Variants in RSPH9 observed in about 807,000 individuals in gnomAD.
RSPH9 encodes the protein radial spoke head component 9.
In RSPH9, 27 loss-of-function variants were observed where a neutral mutation model predicts 27.0. The observed-to-expected ratio is 1.00, with a 90% CI of 0.74 to 1.38. The LOEUF (loss-of-function observed/expected upper bound fraction) is 1.38. Among genes scored for constraint, RSPH9 ranks in the 40% most tolerant of loss-of-function variants. RSPH9 has a pLI of 0.00. For synonymous variants in RSPH9, 145 were observed against 147.7 expected, an observed-to-expected ratio of 0.98 and a Z score of 0.13; for missense variants, 347 against 357.4, an observed-to-expected ratio of 0.97 and a Z score of 0.24.
intron 2 of RSPH9, among the ~76,000 whole-genome samples, chr6:43,651,834 C>T (rs1450532525): frequency 6.6e-6 from 1 of 152,066 alleles, no homozygotes; most frequent in Non-Finnish European, 1.5e-5. Context: ...CAGGCGTGAG[C>T]CACCGCACAC....
chr6:43,659,384 G>A (rs1162907107), intron 4 of RSPH9, among the ~76,000 whole-genome samples: 17 of 151,224 alleles, frequency 1.1e-4, no homozygotes, highest in Non-Finnish European at 2.4e-4. Context: ...CACCATGCCC[G>A]GCTTTTTTTT....
rs1212193776 is a variant in RSPH9, at chr6:43,656,738, C to T, written c.670+15C>T. 6.2e-7 allele frequency: 1 copy of T among 1,613,606 alleles called. No homozygotes were observed. Among genetic ancestry groups the T allele is most frequent in the Non-Finnish European group, 8.5e-7 (1 of 1,179,864 alleles). ...CATTCCCAAAGGTAATAGTCCATTA[C>T]CTGGAGGCCATGGGATCTGTCCTCA... is the stretch of plus-strand genomic sequence containing the variant. On this transcript the variant is annotated intron_variant, in intron 4 of 4. Transcript: ENST00000372163.
intron 1 of RSPH9, among the ~76,000 whole-genome samples, chr6:43,649,412 G>A (rs139336041): frequency 0.022 from 3,283 of 151,858 alleles, 128 homozygotes; most frequent in African/African-American, 0.075. Flanking sequence ...GGCTGGTCTC[G>A]TGTGATCTGC....
rs1561935008 is a variant in RSPH9, at chr6:43,645,340, GGGACGGGCTCCCCA to G, written c.227+17_227+30del. 2 of 1,605,874 alleles carry G rather than the reference GGGACGGGCTCCCCA, an allele frequency of 1.2e-6. No homozygotes were observed. The highest frequency in any genetic ancestry group is 4.5e-5 in the East Asian group (2 of 44,824). ...ACGCTCTATAGGTGAGGAGGCCCCC[GGGACGGGCTCCCCA>G]GAGGGTGGCTACCTGGAGGCAGGGC... On this transcript the variant is annotated intron_variant, in intron 1 of 4. Transcript: ENST00000372163.
chr6:43,647,992 G>A (rs1467567513), intron 1 of RSPH9, among the ~76,000 whole-genome samples: 5 of 152,152 alleles, frequency 3.3e-5, no homozygotes, highest in Admixed American at 1.3e-4. Flanking sequence ...AGGATGGGCC[G>A]GGCGCAGTGG....
At chr6:43,649,452 C>G (rs1582378185) in intron 1 of RSPH9, among the ~76,000 whole-genome samples, 1 of 151,924 alleles carries the variant, frequency 6.6e-6, no homozygotes, top group South Asian at 2.1e-4. Context: ...ACTGGGAGTA[C>G]AAGTGTGAGC....
chr6:43,669,809 G>A (rs1311190455), intron 4 of RSPH9, among the ~76,000 whole-genome samples: 1 of 152,144 alleles, frequency 6.6e-6, no homozygotes, highest in African/African-American at 2.4e-5. Context: ...TTCCAGCCAA[G>A]TCCTCATGGC....
rs375860911 is a variant in RSPH9 at position 43,646,861 on chromosome 6, C to A, written c.227+1536C>A. Among the ~76,000 whole-genome samples the A allele has an allele frequency of 1.5e-4, 23 of 149,246 alleles. No individual in the cohort carries two copies. In the East Asian group the frequency reaches 4.4e-3, roughly 28 times the overall value. ...GTCCTAGCTACTCGGGAGGCTGAGG[C>A]AGAAGAATCACTTGAATCTGGGAGG... On this transcript the variant is annotated intron_variant, in intron 1 of 4. Coordinates refer to ENST00000372163, the MANE Select transcript of RSPH9 (RefSeq NM_152732.5).
chr6:43,646,133 T>TATC (rs1770837811), intron 1 of RSPH9, among the ~76,000 whole-genome samples: 1 of 151,240 alleles, frequency 6.6e-6, no homozygotes, highest in African/African-American at 2.4e-5. Context: ...TATTTATTAT[T>TATC]ATTATTATTA....
At chr6:43,669,176 G>C (rs1773449086) in intron 4 of RSPH9, among the ~76,000 whole-genome samples, 2 of 152,312 alleles carry the variant, frequency 1.3e-5, no homozygotes, top group South Asian at 4.1e-4. Context: ...CTTTCTTCTT[G>C]ATGTTGTCCA....
intron 4 of RSPH9, among the ~76,000 whole-genome samples, chr6:43,659,304 C>A (rs13217995): frequency 6.6e-6 from 1 of 150,788 alleles, no homozygotes; most frequent in African/African-American, 2.5e-5. Flanking sequence ...CTCACTGCAA[C>A]CTCCACCTTC....
chr6:43,650,062 T>C (rs1771288871), intron 1 of RSPH9, among the ~76,000 whole-genome samples: 1 of 152,086 alleles, frequency 6.6e-6, no homozygotes, highest in East Asian at 1.9e-4. Context: ...TACAGGCATG[T>C]GCCACCATGC....
chr6:43,667,672 G>A (rs1025019563), intron 4 of RSPH9, among the ~76,000 whole-genome samples: 18 of 151,686 alleles, frequency 1.2e-4, no homozygotes, highest in African/African-American at 4.4e-4. Flanking sequence ...CTGGCAGCCA[G>A]AGGTTTCTCC....
chr6:43,668,181 G>A (rs1480002184), intron 4 of RSPH9, among the ~76,000 whole-genome samples: 1 of 152,192 alleles, frequency 6.6e-6, no homozygotes. Context: ...GAGTCCTGGA[G>A]GCGGTGACAG....
intron 4 of RSPH9, among the ~76,000 whole-genome samples, chr6:43,663,819 C>T (rs1378098517): frequency 6.6e-6 from 1 of 151,810 alleles, no homozygotes; most frequent in African/African-American, 2.4e-5. Flanking sequence ...CACTAAAGGC[C>T]AGGAGTTTGA....
Position 43,671,555 on chromosome 6 carries a change from G to T in RSPH9, c.*606G>T. On this transcript the variant is annotated 3_prime_UTR_variant, in exon 5 of 5. Transcript: ENST00000372163. Reference sequence around the variant, plus strand: ...ATAGCAGCTGGCAAGGGACCCAACTGCCCTGCCTGCCTCTAGCTCCCAGCA... The same window carrying T: ...ATAGCAGCTGGCAAGGGACCCAACTTCCCTGCCTGCCTCTAGCTCCCAGCA... 1 of 615,336 alleles carries T rather than the reference G, an allele frequency of 1.6e-6. No individual in the cohort carries two copies. The highest frequency in any genetic ancestry group is 2.8e-6 in the Non-Finnish European group (1 of 352,968). 38.1% of individuals were successfully genotyped at this position (615,336 alleles called of 1,614,324 possible). A position where few individuals can be genotyped will look rare whatever the true frequency, so the allele number is the denominator to read the frequency against.
At chr6:43,659,826 G>A (rs1396169287) in intron 4 of RSPH9, among the ~76,000 whole-genome samples, 12 of 151,656 alleles carry the variant, frequency 7.9e-5, no homozygotes, top group African/African-American at 1.2e-4. Context: ...TCCGCCTCCC[G>A]GGTTCACGCC....
At chr6:43,665,803 T>TTTTC (rs140728246) in intron 4 of RSPH9, among the ~76,000 whole-genome samples, 39 of 151,854 alleles carry the variant, frequency 2.6e-4, no homozygotes, top group African/African-American at 4.1e-4. Context: ...TACTACCAGT[T>TTTTC]TTTCTTTCTT....
At chr6:43,662,588 C>T (rs993786684) in intron 4 of RSPH9, among the ~76,000 whole-genome samples, 1 of 151,916 alleles carries the variant, frequency 6.6e-6, no homozygotes, top group Non-Finnish European at 1.5e-5. Flanking sequence ...AGGATGGTCT[C>T]GATCTCCTGA....
Sources: gnomAD v4.1 joint callset for allele counts (sites outside exome capture counted in the v4.1 genomes callset) on GRCh38, gnomAD v4.1.1 for gene constraint, MANE v1.5 for transcripts, NCBI Gene and HGNC (gene_info 2026-07-23, HGNC 2026-07-21) for gene names.